PSTPIP2: variants seen among roughly 807,000 people sequenced by gnomAD.
The protein encoded by PSTPIP2 is proline-serine-threonine phosphatase interacting protein 2.
Under a neutral mutation model 63.3 loss-of-function variants are expected in PSTPIP2, and 33 were observed. That is an observed-to-expected ratio of 0.52 (90% CI 0.40 to 0.70). The LOEUF (loss-of-function observed/expected upper bound fraction) is 0.70, where lower values mean the gene tolerates loss of function less well. Among genes scored for constraint, PSTPIP2 ranks in the 30% least tolerant of loss-of-function variants. The pLI is 0.00. For missense variants in PSTPIP2, 312 were observed against 400.7 expected (o/e 0.78, Z 1.89); for synonymous variants, 125 against 132.7 (o/e 0.94, Z 0.40).
intron 1 of PSTPIP2, among the ~76,000 whole-genome samples, chr18:46,041,740 A>G (rs754649787): frequency 6.6e-6 from 1 of 151,978 alleles, no homozygotes; most frequent in African/African-American, 2.4e-5. Context: ...CCTCCTTTCT[A>G]CCCCTGAATG....
At chr18:46,027,346 ATATT>A (rs1381384731) in intron 2 of PSTPIP2, among the ~76,000 whole-genome samples, 11 of 150,288 alleles carry the variant, frequency 7.3e-5, no homozygotes, top group African/African-American at 2.7e-4. Flanking sequence ...ATAAATAAAA[ATATT>A]AAAAAAATTT....
rs773540768 is a variant in PSTPIP2, at chr18:46,041,065, C to T, written c.34-1018G>A. 14 of 457,458 alleles carry T rather than the reference C, an allele frequency of 3.1e-5. No individual in the cohort carries two copies. The East Asian group carries it at 8.9e-4, about 29-fold the overall frequency. The allele number at this position is 457,458 out of a possible 1,614,324, so 28.3% of individuals were successfully genotyped here. On this transcript the variant is annotated intron_variant, in intron 1 of 14. Transcript: ENST00000409746. Reference sequence around the variant, plus strand: ...TTGACCCTGATAGCTCTTCCTACCACCAGTTAGCGCTATTGAGGGTCAAGG... The same window carrying T: ...TTGACCCTGATAGCTCTTCCTACCATCAGTTAGCGCTATTGAGGGTCAAGG...
rs867572701 is a variant in PSTPIP2, at chr18:46,060,766, C to A, written c.33+11390G>T. Among the ~76,000 whole-genome samples, 41 of 152,344 alleles carry A rather than the reference C, an allele frequency of 2.7e-4. No homozygotes were observed. The Middle Eastern group carries it at 0.021, about 76-fold the overall frequency. Reference sequence around the variant, plus strand: ...TCCGCCCAGAGGACTGGTTTCTTTGCCCTCTGAGAGCAGACAGGCTTCTAC... The same window carrying A: ...TCCGCCCAGAGGACTGGTTTCTTTGACCTCTGAGAGCAGACAGGCTTCTAC... On this transcript the variant is annotated intron_variant, in intron 1 of 14. Coordinates refer to ENST00000409746, the MANE Select transcript of PSTPIP2 (RefSeq NM_024430.4).
chr18:46,015,863 A>G (rs1381330737), intron 4 of PSTPIP2, 40 bp downstream of exon 4: 1 of 1,584,190 alleles, frequency 6.3e-7, no homozygotes, highest in African/African-American at 1.5e-5. Context: ...AGGGCTTGTC[A>G]AGGGCAGTGA....
chr18:46,035,928 A>G (rs973852862), intron 2 of PSTPIP2, among the ~76,000 whole-genome samples: 15 of 152,090 alleles, frequency 9.9e-5, no homozygotes, highest in Admixed American at 9.8e-4. Flanking sequence ...TGTTGTTGTT[A>G]TATTATGTAG....
chr18:45,991,624 GTAAGAAAAGTATAGGATTTCTACAGACTA>G (rs2051533870), intron 12 of PSTPIP2, among the ~76,000 whole-genome samples: 1 of 152,158 alleles, frequency 6.6e-6, no homozygotes, highest in Admixed American at 6.5e-5. Flanking sequence ...CTGACTGGCT[GTAAGAAAAGTATAGGATTTCTACAGACTA>G]TAAGAAAAGT....
rs1292115254 is a variant in PSTPIP2 at position 46,043,266 on chromosome 18, C to T, written c.34-3219G>A. On this transcript the variant is annotated intron_variant, in intron 1 of 14. Coordinates refer to ENST00000409746, the MANE Select transcript of PSTPIP2 (RefSeq NM_024430.4). Reference sequence around the variant, plus strand: ...AAAAAAGCCAAGTATGGTGGTGTGCCTGTAGTCCCAGCTACTTGGGAGGCT... The same window carrying T: ...AAAAAAGCCAAGTATGGTGGTGTGCTTGTAGTCCCAGCTACTTGGGAGGCT... 1.1e-4 allele frequency among the ~76,000 whole-genome samples: 17 copies of T among 147,930 alleles called. No homozygotes were observed. The Admixed American group carries it at 1.2e-3, about 10-fold the overall frequency.
intron 1 of PSTPIP2, among the ~76,000 whole-genome samples, chr18:46,069,805 T>C (rs1042223438): frequency 1.7e-4 from 26 of 152,202 alleles, no homozygotes; most frequent in African/African-American, 5.8e-4. Flanking sequence ...CCTTCATCTC[T>C]TCCTCTATTT....
chr18:45,990,918 G>A (rs7243407), intron 12 of PSTPIP2, among the ~76,000 whole-genome samples, 162 bp from the exon 13 acceptor site: 36,570 of 151,980 alleles, frequency 0.24, 6,289 homozygotes, highest in African/African-American at 0.47. Context: ...ACTGACCTAC[G>A]GAAATCTAAG....
chr18:46,066,391 T>C (rs1909190424), intron 1 of PSTPIP2, among the ~76,000 whole-genome samples: 1 of 152,210 alleles, frequency 6.6e-6, no homozygotes, highest in Non-Finnish European at 1.5e-5. Flanking sequence ...ACTCATCTTC[T>C]TGAGTAGCTA....
At chr18:46,009,049 G>T (rs184194326) in intron 5 of PSTPIP2, among the ~76,000 whole-genome samples, 6 of 152,114 alleles carry the variant, frequency 3.9e-5, no homozygotes, top group East Asian at 1.9e-4. Flanking sequence ...GGCACATCAC[G>T]CTTTACCATG....
chr18:46,049,090 C>T lies in PSTPIP2; in HGVS notation c.34-9043G>A, dbSNP rs946536606. 4.0e-5 allele frequency among the ~76,000 whole-genome samples: 6 copies of T among 148,356 alleles called. No homozygotes were observed. The Admixed American group carries it at 4.1e-4, about 10-fold the overall frequency. ...GAGAAGGAGAGAGAAAGGGACAGAACTTTTGAGAAATCCAAGTGAAGAGCA... is the reference window on the plus strand; with the variant it reads ...GAGAAGGAGAGAGAAAGGGACAGAATTTTTGAGAAATCCAAGTGAAGAGCA... On this transcript the variant is annotated intron_variant, in intron 1 of 14. Coordinates refer to ENST00000409746, the MANE Select transcript of PSTPIP2 (RefSeq NM_024430.4).
At chr18:46,065,187 C>G (rs1024657858) in intron 1 of PSTPIP2, among the ~76,000 whole-genome samples, 1 of 149,800 alleles carries the variant, frequency 6.7e-6, no homozygotes, top group African/African-American at 2.4e-5. Context: ...AAAGAAAACT[C>G]TAGAAATTAC....
chr18:46,061,282 C>A (rs1447941493), intron 1 of PSTPIP2, among the ~76,000 whole-genome samples: 4 of 146,830 alleles, frequency 2.7e-5, no homozygotes, highest in Non-Finnish European at 6.0e-5. Context: ...CCAGCCTGGT[C>A]AACGGAGCGA....
At chr18:46,029,254 C>T in intron 2 of PSTPIP2, 5 of 1,271,038 alleles carry the variant, frequency 3.9e-6, no homozygotes, top group Non-Finnish European at 5.8e-6. Flanking sequence ...GAAGATGTCT[C>T]CCCAGATGGG....
intron 1 of PSTPIP2, among the ~76,000 whole-genome samples, chr18:46,065,744 C>T (rs1055466042): frequency 6.6e-6 from 1 of 152,076 alleles, no homozygotes; most frequent in African/African-American, 2.4e-5. Context: ...GGATTACAGG[C>T]GTAAGCCACC....
At chr18:46,050,269 A>C (rs959467032) in intron 1 of PSTPIP2, among the ~76,000 whole-genome samples, 1 of 152,232 alleles carries the variant, frequency 6.6e-6, no homozygotes, top group African/African-American at 2.4e-5. Context: ...TCAGTGCAGC[A>C]TCATAATGAC....
chr18:45,988,586 G>T, intron 14 of PSTPIP2, 116 bp downstream of exon 14: 2 of 855,870 alleles, frequency 2.3e-6, no homozygotes, highest in Non-Finnish European at 3.8e-6. Flanking sequence ...CAGTGTACCT[G>T]CCTCATGCAA....
intron 6 of PSTPIP2, among the ~76,000 whole-genome samples, chr18:46,003,067 T>C (rs934752403): frequency 2.0e-5 from 3 of 152,206 alleles, no homozygotes; most frequent in African/African-American, 7.2e-5. Context: ...AGGTGAGGCA[T>C]CATCTCATTA....
Sources: gnomAD v4.1 joint callset for allele counts (sites outside exome capture counted in the v4.1 genomes callset) on GRCh38, gnomAD v4.1.1 for gene constraint, MANE v1.5 for transcripts, NCBI Gene and HGNC (gene_info 2026-07-23, HGNC 2026-07-21) for gene names.